Variants in FGL1 observed in about 807,000 individuals in gnomAD.
The protein encoded by FGL1 is fibrinogen-like protein 1.
A neutral mutation model predicts 43.7 loss-of-function variants in FGL1; 59 were observed. The observed-to-expected ratio is 1.35, with a 90% confidence interval of 1.10 to 1.68. The LOEUF is 1.68. Among genes scored for constraint, FGL1 ranks in the 40% most tolerant of loss-of-function variants. The pLI is 0.00. For missense variants in FGL1, 596 were observed against 373.0 expected (o/e 1.60, Z -4.92); for synonymous variants, 192 against 126.5 (o/e 1.52, Z -3.48).
At chr8:17,867,427 C>A (rs2053285943) in intron 7 of FGL1, among the ~76,000 whole-genome samples, 2 of 152,138 alleles carry the variant, frequency 1.3e-5, no homozygotes, top group Middle Eastern at 3.2e-3. Context: ...AGGAAAAAAA[C>A]CATCTATAGT....
intron 3 of FGL1, among the ~76,000 whole-genome samples, chr8:17,877,128 C>G (rs2299581): frequency 0.049 from 7,480 of 151,986 alleles, 201 homozygotes; most frequent in East Asian, 0.07. Context: ...AAAATATGAA[C>G]TTGATATTTA....
intron 5 of FGL1, among the ~76,000 whole-genome samples, chr8:17,872,848 AG>A (rs2053385168): frequency 6.6e-6 from 1 of 152,248 alleles, no homozygotes; most frequent in South Asian, 2.1e-4. Context: ...AAAAGTATAT[AG>A]GGAGACATCC....
chr8:17,874,004 T>C lies in FGL1; in HGVS notation c.502+15A>G. The C allele has an allele frequency of 6.5e-7, 1 of 1,537,104 alleles. No homozygotes were observed. The highest frequency in any genetic ancestry group is 8.7e-7 in the Non-Finnish European group (1 of 1,143,632). ...TATTATATTTCAAATAAATCTGACA[T>C]CATTCAAACCTTACCTTGAGTGGTC... On this transcript the variant is annotated intron_variant, in intron 5 of 7. Transcript: ENST00000427924.
intron 3 of FGL1, among the ~76,000 whole-genome samples, chr8:17,881,519 T>A (rs956103559): frequency 6.6e-6 from 1 of 151,646 alleles, no homozygotes; most frequent in Non-Finnish European, 1.5e-5. Context: ...TCACATTAAA[T>A]GCCCTGGCAG....
chr8:17,879,298 A>G (rs1585138929), intron 3 of FGL1, among the ~76,000 whole-genome samples: 1 of 151,914 alleles, frequency 6.6e-6, no homozygotes, highest in African/African-American at 2.4e-5. Context: ...CAAGTAACTG[A>G]TTTCTTGCCT....
intron 3 of FGL1, among the ~76,000 whole-genome samples, chr8:17,880,469 G>T (rs2517317): frequency 0.2 from 30,318 of 152,070 alleles, 4,231 homozygotes; most frequent in African/African-American, 0.39. Context: ...GACCTCTACA[G>T]TCTTTCAATT....
At chr8:17,892,308 T>G (rs765776522) in intron 1 of FGL1, among the ~76,000 whole-genome samples, 4 of 152,000 alleles carry the variant, frequency 2.6e-5, no homozygotes, top group Non-Finnish European at 5.9e-5. Context: ...AAACATTTTA[T>G]TATAAGGAAG....
intron 2 of FGL1, among the ~76,000 whole-genome samples, chr8:17,883,090 A>G (rs1431153254): frequency 2.7e-3 from 106 of 38,728 alleles, no homozygotes; most frequent in Non-Finnish European, 3.5e-3. Context: ...AATATATATC[A>G]TATGTAATAT....
intron 1 of FGL1, among the ~76,000 whole-genome samples, chr8:17,887,859 A>G (rs1019781651): frequency 1.3e-5 from 2 of 151,716 alleles, no homozygotes; most frequent in Non-Finnish European, 2.9e-5. Flanking sequence ...GTATCTCTAG[A>G]CCCATTTTTC....
At chr8:17,868,791 A>G in intron 6 of FGL1, 56 bp from the exon 7 acceptor site, 1 of 1,524,346 alleles carries the variant, frequency 6.6e-7, no homozygotes, top group Non-Finnish European at 8.9e-7. Flanking sequence ...CCATTTTAAA[A>G]TTAAGTTTAT....
chr8:17,883,423 AATATGAATAT>A (rs2053579687), intron 2 of FGL1, among the ~76,000 whole-genome samples: 1 of 120,364 alleles, frequency 8.3e-6, no homozygotes, highest in African/African-American at 3.4e-5. Flanking sequence ...CAAAATATAT[AATATGAATAT>A]ATATGAATAT....
At chr8:17,871,154 G>C (rs1465157030) in intron 5 of FGL1, among the ~76,000 whole-genome samples, 1 of 152,086 alleles carries the variant, frequency 6.6e-6, no homozygotes, top group Non-Finnish European at 1.5e-5. Context: ...AGACTGTAGA[G>C]TGTATAAGAG....
intron 3 of FGL1, among the ~76,000 whole-genome samples, chr8:17,878,326 A>T (rs988389217): frequency 3.9e-5 from 6 of 152,178 alleles, no homozygotes; most frequent in Non-Finnish European, 5.9e-5. Flanking sequence ...CATTCTTCAG[A>T]TGGGGAATAT....
intron 5 of FGL1, 62 bp from the exon 6 acceptor site, chr8:17,869,066 G>C (rs2053317310): frequency 1.2e-5 from 12 of 1,015,240 alleles, no homozygotes; most frequent in Non-Finnish European, 1.6e-5. Context: ...GACTACTGCG[G>C]TTTAAAAATA....
intron 7 of FGL1, chr8:17,868,272 G>C: frequency 4.4e-6 from 1 of 229,712 alleles, no homozygotes; most frequent in Non-Finnish European, 8.3e-6. Context: ...GTGTGAATTT[G>C]TGGCCTTCTA....
intron 7 of FGL1, 68 bp downstream of exon 7, chr8:17,868,480 T>C (rs960774161): frequency 7.8e-6 from 9 of 1,160,980 alleles, no homozygotes; most frequent in African/African-American, 3.1e-5. Flanking sequence ...ACATATTATA[T>C]TGATAATTAA....
intron 5 of FGL1, among the ~76,000 whole-genome samples, chr8:17,870,326 G>C (rs1322226073): frequency 6.6e-6 from 1 of 151,934 alleles, no homozygotes; most frequent in African/African-American, 2.4e-5. Flanking sequence ...CCATTGTTTG[G>C]AAATAACAAA....
rs746457086 is a variant in FGL1, at chr8:17,874,470, A to G, written c.296T>C (p.Ile99Thr). Residue 99 changes from isoleucine to threonine, a missense_variant, in exon 4 of 8, where the codon ATC (isoleucine) becomes ACC (threonine). Transcript: ENST00000427924. ...TTCTGCTGGGCTCTGGAGAGGTTTG[A>G]TTTTGTAAAATCCACTGAGCTTATA... ...DGYKLSGFYK[I>T]KPLQSPAEFS... The G allele has an allele frequency of 1.7e-5, 27 of 1,614,046 alleles. No individual in the cohort carries two copies. The highest frequency in any genetic ancestry group is 2.2e-5 in the Non-Finnish European group (26 of 1,179,962).
chr8:17,892,826 A>T (rs561751834), intron 1 of FGL1, among the ~76,000 whole-genome samples: 18 of 152,236 alleles, frequency 1.2e-4, no homozygotes, highest in South Asian at 4.1e-4. Flanking sequence ...TTGTTGAAAA[A>T]TTTTTTTATT....
Sources: allele counts gnomAD v4.1 joint callset (sites outside exome capture counted in the v4.1 genomes callset), GRCh38; gene constraint gnomAD v4.1.1; transcripts MANE v1.5; gene names NCBI Gene and HGNC (gene_info 2026-07-23, HGNC 2026-07-21).